The following TRAK2 variants were observed in gnomAD, a reference collection of about 807,000 sequenced individuals.
TRAK2 encodes trafficking kinesin-binding protein 2.
TRAK2 carries 81 observed loss-of-function variants against 104.6 expected under a neutral mutation model. The observed-to-expected ratio is 0.77, with a 90% CI of 0.65 to 0.93. The LOEUF is 0.93. TRAK2 is among the 40% of genes least tolerant of loss of function. The pLI is 0.00. For synonymous variants in TRAK2, 406 were observed against 394.4 expected (o/e 1.03, Z -0.35); for missense variants, 1,002 against 1,089.0 (o/e 0.92, Z 1.12).
chr2:201,386,634 A>C (rs112392908), intron 13 of TRAK2, 150 bp from the exon 14 acceptor site: 2 of 1,064,064 alleles, frequency 1.9e-6, no homozygotes, highest in Admixed American at 5.3e-5. Context: ...GCTGCAAATT[A>C]AAGTTTTCAG....
At chr2:201,393,556 T>C (rs973818169) in intron 9 of TRAK2, among the ~76,000 whole-genome samples, 1 of 152,018 alleles carries the variant, frequency 6.6e-6, no homozygotes, top group African/African-American at 2.4e-5. Flanking sequence ...GATAAAAGAG[T>C]ACATAATTTT....
At position 201,389,307 on chromosome 2, in the gene TRAK2, C is replaced by A. The variant is rs908894977; in HGVS notation, c.1390G>T (p.Val464Phe). The change falls in exon 12 of 16, where the codon GTT becomes TTT. Residue 464 changes from valine to phenylalanine, a missense_variant. By Grantham distance (50) the Val-to-Phe change is conservative. Transcript: ENST00000332624. ...TTATCATCGGATTCCTACCCTGCAACCTCCTCTGAGCTGCTCCCCTGGTTC... is the reference window on the plus strand; with the variant it reads ...TTATCATCGGATTCCTACCCTGCAAACTCCTCTGAGCTGCTCCCCTGGTTC... The part of the protein sequence containing the change: ...LLNQGSSSEE[V>F]AGSSQKMGQP... 9 of 1,614,026 alleles carry A rather than the reference C, an allele frequency of 5.6e-6. No individual in the cohort carries two copies. The highest frequency in any genetic ancestry group is 3.3e-5 in the South Asian group (3 of 91,090).
At chr2:201,381,757 T>C (rs1951347430) in intron 15 of TRAK2, among the ~76,000 whole-genome samples, 1 of 112,244 alleles carries the variant, frequency 8.9e-6, no homozygotes, top group Non-Finnish European at 2.2e-5. Flanking sequence ...TTTAATTTTA[T>C]TTCATTGAGA....
intron 2 of TRAK2, chr2:201,410,470 C>T: frequency 2.9e-6 from 2 of 696,198 alleles, no homozygotes; most frequent in Middle Eastern, 3.4e-4. Context: ...AGTAGTTCCT[C>T]CAAGCCAACT....
intron 2 of TRAK2, chr2:201,411,446 C>A: frequency 1.3e-6 from 1 of 744,244 alleles, no homozygotes; most frequent in South Asian, 1.3e-5. Flanking sequence ...CAGAAACATT[C>A]ATTTGATTTC....
intron 1 of TRAK2, among the ~76,000 whole-genome samples, chr2:201,425,147 T>C (rs1951776773): frequency 6.6e-6 from 1 of 152,176 alleles, no homozygotes; most frequent in Non-Finnish European, 1.5e-5. Flanking sequence ...GAGCCTAGAA[T>C]ACTATGTCTC....
chr2:201,435,828 A>G (rs931052215), intron 1 of TRAK2, among the ~76,000 whole-genome samples: 1 of 152,114 alleles, frequency 6.6e-6, no homozygotes, highest in Non-Finnish European at 1.5e-5. Flanking sequence ...TCTTTCTCCT[A>G]AAAGGGAGAG....
intron 1 of TRAK2, among the ~76,000 whole-genome samples, chr2:201,440,961 T>C (rs1951916064): frequency 6.6e-6 from 1 of 152,232 alleles, no homozygotes; most frequent in Non-Finnish European, 1.5e-5. Context: ...ATTTTTGTTA[T>C]GTCCAAAACC....
Position 201,389,346 on chromosome 2 carries a change from C to T in TRAK2, c.1351G>A (p.Asp451Asn), listed in dbSNP as rs1951422485. The part of the protein sequence containing the change: ...PFESGLQQTE[D>N]KSLLNQGSSS... ...CTCCCCTGGTTCAGGAGTGATTTGT[C>T]CTCTGTTTGCTGAAGACCAGACTCA... is the stretch of plus-strand genomic sequence containing the variant. Residue 451 changes from aspartate to asparagine, a missense_variant, in exon 12 of 16, where the codon GAC becomes AAC. Coordinates refer to ENST00000332624, the MANE Select transcript of TRAK2 (RefSeq NM_015049.3). 1 of 1,614,124 alleles carries T rather than the reference C, an allele frequency of 6.2e-7. No individual in the cohort carries two copies. The highest frequency in any genetic ancestry group is 8.5e-7 in the Non-Finnish European group (1 of 1,180,028).
chr2:201,409,688 G>C (rs1260639888), intron 2 of TRAK2, among the ~76,000 whole-genome samples: 1 of 152,180 alleles, frequency 6.6e-6, no homozygotes, highest in Non-Finnish European at 1.5e-5. Context: ...TAGTTCATCT[G>C]AAAAGTAACC....
chr2:201,410,545 C>T, intron 2 of TRAK2: 1 of 1,139,148 alleles, frequency 8.8e-7, no homozygotes, highest in South Asian at 1.4e-5. Context: ...ATAGACACCT[C>T]ACCCAAAAAG....
At chr2:201,395,169 AGAT>A (rs1951490160) in intron 8 of TRAK2, 142 bp downstream of exon 8, 4 of 664,208 alleles carry the variant, frequency 6.0e-6, no homozygotes, top group African/African-American at 5.7e-5. Context: ...TATGACATAA[AGAT>A]GATTAAAACA....
At chr2:201,382,132 C>CT (rs1400306365) in intron 15 of TRAK2, among the ~76,000 whole-genome samples, 2 of 152,178 alleles carry the variant, frequency 1.3e-5, no homozygotes, top group Admixed American at 6.5e-5. Context: ...ACAATACATA[C>CT]TTGCCTTGCC....
chr2:201,393,198 A>G (rs1256263706), intron 9 of TRAK2, 152 bp from the exon 10 acceptor site: 2 of 787,152 alleles, frequency 2.5e-6, no homozygotes, highest in Admixed American at 3.0e-5. Context: ...AAACAAACTA[A>G]GCAAGAAGCG....
intron 2 of TRAK2, chr2:201,411,944 G>A (rs1214530290): frequency 2.0e-6 from 2 of 981,484 alleles, no homozygotes; most frequent in East Asian, 4.8e-5. Context: ...TTGAATGGAA[G>A]GAGCTTCTAG....
At chr2:201,421,622 A>C (rs1477851179) in intron 1 of TRAK2, among the ~76,000 whole-genome samples, 1 of 152,168 alleles carries the variant, frequency 6.6e-6, no homozygotes, top group African/African-American at 2.4e-5. Flanking sequence ...CAGATGCTCA[A>C]CTTCACTCAC....
Position 201,386,283 on chromosome 2 carries a change from G to T in TRAK2, c.1898C>A (p.Ser633Ter), listed in dbSNP as rs1455674917. 1 of 1,613,960 alleles carries T rather than the reference G, an allele frequency of 6.2e-7. No individual in the cohort carries two copies. The highest frequency in any genetic ancestry group is 8.5e-7 in the Non-Finnish European group (1 of 1,179,994). The change falls in exon 14 of 16, where the codon TCA becomes TAA. Residue 633 changes from serine to a stop codon, truncating the protein, a stop_gained. Coordinates refer to ENST00000332624, the MANE Select transcript of TRAK2 (RefSeq NM_015049.3). LOFTEE classifies it high-confidence loss of function. Reference sequence around the variant, plus strand: ...GATCCCTGTTACTGGCTTGGATGTTGAAAGTTTCTCTTCCACTTCAAGAGG... The same window carrying T: ...GATCCCTGTTACTGGCTTGGATGTTTAAAGTTTCTCTTCCACTTCAAGAGG... The part of the protein sequence containing the change: ...QQPLEVEEKL[S>*]TSKPVTGIFL...
chr2:201,406,596 A>G (rs916287007), intron 3 of TRAK2, among the ~76,000 whole-genome samples: 1 of 152,208 alleles, frequency 6.6e-6, no homozygotes, highest in Non-Finnish European at 1.5e-5. Context: ...TCACTGGGAA[A>G]ATGTCCAGGA....
rs1259690606 is a variant in TRAK2, at chr2:201,412,260, CTG to C, written c.92-4665_92-4664del. On this transcript the variant is annotated intron_variant, in intron 2 of 15. Coordinates refer to ENST00000332624, the MANE Select transcript of TRAK2 (RefSeq NM_015049.3). ...GAACCTTTGGCAGTCCGTTGAAAAA[CTG>C]TGATTTCTGAAGATTATCTCTTTGG... The C allele has an allele frequency of 3.4e-5, 37 of 1,076,214 alleles. 1 individual carries two copies. The South Asian group carries it at 3.5e-4, about 10-fold the overall frequency. The allele number at this position is 1,076,214 out of a possible 1,614,324, so 66.7% of individuals were successfully genotyped here. A position where few individuals can be genotyped will look rare whatever the true frequency, so the allele number is the denominator to read the frequency against.
Sources: allele counts gnomAD v4.1 joint callset (sites outside exome capture counted in the v4.1 genomes callset), GRCh38; gene constraint gnomAD v4.1.1; transcripts MANE v1.5; gene names NCBI Gene and HGNC (gene_info 2026-07-23, HGNC 2026-07-21).